The following HPD variants were observed in gnomAD, a reference collection of about 807,000 sequenced individuals.
HPD encodes 4-hydroxyphenylpyruvate dioxygenase, also known as 4-hydroxyphenylpyruvic acid oxidase.
In HPD, 35 loss-of-function variants were observed where a neutral mutation model predicts 56.9. The observed-to-expected ratio is 0.62, with a 90% CI of 0.47 to 0.82. The LOEUF (loss-of-function observed/expected upper bound fraction) is 0.82, where lower values mean the gene tolerates loss of function less well. Among genes scored for constraint, HPD ranks in the 40% least tolerant of loss-of-function variants. The pLI, the probability that HPD is intolerant of heterozygous loss-of-function variation, is 0.00. For synonymous variants in HPD, 186 were observed against 200.2 expected, an observed-to-expected ratio of 0.93 and a Z score of 0.60; for missense variants, 442 against 506.8, an observed-to-expected ratio of 0.87 and a Z score of 1.23.
intron 11 of HPD, among the ~76,000 whole-genome samples, chr12:121,844,491 T>C (rs1406254917): frequency 1.3e-5 from 2 of 151,012 alleles, no homozygotes; most frequent in Non-Finnish European, 2.9e-5. Context: ...CTCACGCCTG[T>C]AAGCCCAGCA....
chr12:121,839,734 G>T lies in HPD; in HGVS notation c.1176C>A (p.Gly392=). 6.2e-7 allele frequency: 1 copy of T among 1,610,500 alleles called. No homozygotes were observed. The highest frequency in any genetic ancestry group is 8.5e-7 in the Non-Finnish European group (1 of 1,176,660). Residue 392 remains glycine, a synonymous_variant, in exon 14 of 14, where the codon GGC becomes GGA. Transcript: ENST00000289004. ...TCCGTGGGGTGGGCGGGGCTTACAT[G>T]CCGGGCACCACCCCATTGGTCTCCA... ...TNMETNGVVP[G]M
upstream of HPD, among the ~76,000 whole-genome samples, chr12:121,862,028 A>T (rs887447707): frequency 6.6e-6 from 1 of 152,168 alleles, no homozygotes; most frequent in African/African-American, 2.4e-5. Flanking sequence ...AGAAAAAAAA[A>T]TGCTGAAACC....
intron 9 of HPD, among the ~76,000 whole-genome samples, chr12:121,848,419 C>T (rs1335632667): frequency 6.6e-6 from 1 of 152,102 alleles, no homozygotes; most frequent in East Asian, 1.9e-4. Flanking sequence ...TCAAGCGATT[C>T]TCCTGTCTCA....
rs1878050143 is a variant in HPD, at chr12:121,857,551, C to A, written c.94-119G>T. On this transcript the variant is annotated intron_variant, in intron 3 of 13. Coordinates refer to ENST00000289004, the MANE Select transcript of HPD (RefSeq NM_002150.3). ...GCCCTATTGCCTCAGGGGCAGAGACCCTCCTGGGAAGATAGACTGCTGCCT... is the reference window on the plus strand; with the variant it reads ...GCCCTATTGCCTCAGGGGCAGAGACACTCCTGGGAAGATAGACTGCTGCCT... The A allele has an allele frequency of 1.9e-5, 17 of 887,266 alleles. No homozygotes were observed. The East Asian group carries it at 3.8e-4, about 20-fold the overall frequency. 55.0% of individuals were successfully genotyped at this position (887,266 alleles called of 1,614,324 possible).
intron 7 of HPD, among the ~76,000 whole-genome samples, chr12:121,853,068 C>T (rs181527598): frequency 3.3e-5 from 5 of 152,198 alleles, no homozygotes; most frequent in Non-Finnish European, 7.4e-5. Context: ...AGCAAACTAA[C>T]GCAGGAACAG....
At chr12:121,846,218 A>T (rs1015053281) in intron 11 of HPD, among the ~76,000 whole-genome samples, 3 of 151,576 alleles carry the variant, frequency 2.0e-5, no homozygotes, top group Non-Finnish European at 2.9e-5. Flanking sequence ...TTTATTAATT[A>T]CTATTATTTT....
the HPD span, among the ~76,000 whole-genome samples, chr12:121,883,181 TGTGTG>T: frequency 0.03 from 69 of 2,300 alleles, no homozygotes; most frequent in African/African-American, 0.044. Flanking sequence ...GAGCATAAGT[TGTGTG>T]TGTGTGTGTG....
the HPD span, among the ~76,000 whole-genome samples, chr12:121,882,330 T>C: frequency 6.6e-6 from 1 of 152,112 alleles, no homozygotes; most frequent in Non-Finnish European, 1.5e-5. Context: ...TCCCTGGCTC[T>C]ATTTCCCATG....
At position 121,839,710 on chromosome 12, in the gene HPD, C is replaced by T. The variant is rs1051467237; in HGVS notation, c.*18G>A. The T allele has an allele frequency of 3.8e-6, 6 of 1,571,776 alleles. No individual in the cohort carries two copies. Among genetic ancestry groups the T allele is most frequent in the Non-Finnish European group, 5.3e-6 (6 of 1,141,578 alleles). On this transcript the variant is annotated 3_prime_UTR_variant, in exon 14 of 14. Coordinates refer to ENST00000289004, the MANE Select transcript of HPD (RefSeq NM_002150.3). ...GGGCGTGGCTGTGTGGCTGTGGCCT[C>T]CGTGGGGTGGGCGGGGCTTACATGC...
intron 11 of HPD, among the ~76,000 whole-genome samples, chr12:121,844,237 G>T (rs1477313609): frequency 1.3e-5 from 2 of 151,838 alleles, no homozygotes; most frequent in African/African-American, 4.8e-5. Flanking sequence ...TAGAGATGGG[G>T]TTTCACCATG....
At chr12:121,855,936 C>T (rs1355970390) in intron 6 of HPD, among the ~76,000 whole-genome samples, 1 of 142,596 alleles carries the variant, frequency 7.0e-6, no homozygotes, top group Non-Finnish European at 1.5e-5. Context: ...TGCCATTGCA[C>T]TCCAACCTGG....
At chr12:121,848,929 A>C in intron 9 of HPD, 70 bp downstream of exon 9, 1 of 1,115,796 alleles carries the variant, frequency 9.0e-7, no homozygotes, top group Non-Finnish European at 1.4e-6. Flanking sequence ...TAGTGCAAGG[A>C]CCAGGGAGTG....
intron 7 of HPD, among the ~76,000 whole-genome samples, chr12:121,851,055 GT>G (rs765426176): frequency 2.0e-5 from 3 of 151,928 alleles, no homozygotes; most frequent in Non-Finnish European, 4.4e-5. Context: ...TAGAGATGGG[GT>G]TTCTCCATGT....
intron 11 of HPD, among the ~76,000 whole-genome samples, chr12:121,845,764 C>G (rs1877563478): frequency 6.6e-6 from 1 of 152,168 alleles, no homozygotes; most frequent in Admixed American, 6.6e-5. Context: ...CCCTGCTTTA[C>G]TTTCTTCCTG....
the HPD span, among the ~76,000 whole-genome samples, chr12:121,885,997 G>T: frequency 1.3e-5 from 2 of 151,192 alleles, no homozygotes; most frequent in Non-Finnish European, 2.9e-5. Flanking sequence ...GTTTCAGCAT[G>T]TTGGCCAGGC....
chr12:121,855,190 C>T (rs1408788086), intron 6 of HPD, among the ~76,000 whole-genome samples: 1 of 152,154 alleles, frequency 6.6e-6, no homozygotes, highest in Admixed American at 6.6e-5. Flanking sequence ...ATATCATGCA[C>T]CAGGCTCTGT....
At chr12:121,857,670 A>T in intron 3 of HPD, 87 bp downstream of exon 3, 2 of 1,197,820 alleles carry the variant, frequency 1.7e-6, no homozygotes, top group Non-Finnish European at 2.5e-6. Flanking sequence ...CCAAGGGCCA[A>T]TCACAGACCC....
intron 3 of HPD, 28 bp from the exon 4 acceptor site, chr12:121,857,460 A>T: frequency 6.5e-7 from 1 of 1,535,620 alleles, no homozygotes; most frequent in South Asian, 1.1e-5. Flanking sequence ...AGCAGGGTTC[A>T]TGAGGGTCAA....
chr12:121,850,289 G>A (rs1169825211), intron 7 of HPD, among the ~76,000 whole-genome samples: 2 of 151,634 alleles, frequency 1.3e-5, no homozygotes, highest in Non-Finnish European at 2.9e-5. Flanking sequence ...GGGTGTGGTG[G>A]CGTGGCGGGT....
Sources: allele counts gnomAD v4.1 joint callset (sites outside exome capture counted in the v4.1 genomes callset), GRCh38; gene constraint gnomAD v4.1.1; transcripts MANE v1.5; gene names NCBI Gene and HGNC (gene_info 2026-07-23, HGNC 2026-07-21).